The following NBEAL1 variants were observed in gnomAD, a reference collection of about 807,000 sequenced individuals.
NBEAL1 encodes neurobeachin-like protein 1.
Under a neutral mutation model 351.3 loss-of-function variants are expected in NBEAL1, and 273 were observed. The ratio of observed to expected loss-of-function variants is 0.78; its 90% CI spans 0.70 to 0.86. The LOEUF (loss-of-function observed/expected upper bound fraction) is 0.86, where lower values mean the gene tolerates loss of function less well. Ranked by LOEUF, NBEAL1 falls within the 40% of genes least tolerant of loss-of-function variation. The pLI, the probability that NBEAL1 is intolerant of heterozygous loss-of-function variation, is 0.00. For synonymous variants in NBEAL1, 1,050 were observed against 1,086.4 expected (o/e 0.97, Z 0.66); for missense variants, 2,961 against 3,201.3 (o/e 0.92, Z 1.81).
At chr2:203,083,181 A>T in intron 8 of NBEAL1, 38 bp from the exon 9 acceptor site, 1 of 1,477,332 alleles carries the variant, frequency 6.8e-7, no homozygotes, top group Non-Finnish European at 9.1e-7. Flanking sequence ...CAACTTCATT[A>T]GGTTTAGGTT....
chr2:203,113,230 TC>T lies in NBEAL1; in HGVS notation c.2421del (p.Thr808HisfsTer7). 6.5e-7 allele frequency: 1 copy of T among 1,537,670 alleles called. No individual in the cohort carries two copies. Among genetic ancestry groups the T allele is most frequent in the Non-Finnish European group, 8.8e-7 (1 of 1,140,476 alleles). On this transcript the variant is annotated frameshift_variant, in exon 17 of 56. Transcript: ENST00000683969. LOFTEE classifies it high-confidence loss of function. The part of the protein sequence containing the change: ...AGTQDSEWGC[P>X]TSLEGQLGSV... ...GAACCCAAGACAGTGAATGGGGGTG[TC>T]CCACATCTCTGGAGGGTCAGCTAGG...
At chr2:203,137,503 T>C (rs1248574078) in intron 29 of NBEAL1, among the ~76,000 whole-genome samples, 1 of 152,190 alleles carries the variant, frequency 6.6e-6, no homozygotes, top group African/African-American at 2.4e-5. Context: ...ATAATAAGGC[T>C]TTCTTCCCTA....
chr2:203,166,459 G>A (rs1575072103), intron 37 of NBEAL1, among the ~76,000 whole-genome samples, 162 bp downstream of exon 37: 1 of 152,214 alleles, frequency 6.6e-6, no homozygotes, highest in Admixed American at 6.5e-5. Flanking sequence ...AGGTGTGGAA[G>A]GGAATGCTTT....
At chr2:203,058,011 T>G (rs983733091) in intron 6 of NBEAL1, among the ~76,000 whole-genome samples, 2 of 151,820 alleles carry the variant, frequency 1.3e-5, no homozygotes, top group African/African-American at 4.8e-5. Context: ...GCCCGGCTAA[T>G]TTTTATATTT....
intron 8 of NBEAL1, among the ~76,000 whole-genome samples, chr2:203,081,604 TAATA>T (rs2061874582): frequency 6.6e-6 from 1 of 152,192 alleles, no homozygotes; most frequent in African/African-American, 2.4e-5. Context: ...AAAAACAAAG[TAATA>T]AATAATTCAG....
intron 42 of NBEAL1, among the ~76,000 whole-genome samples, chr2:203,176,171 CTTT>C (rs34311199): frequency 1.6e-5 from 2 of 122,890 alleles, no homozygotes; most frequent in African/African-American, 3.0e-5. Context: ...TTTATTGCAT[CTTT>C]TTTTTTTTTT....
chr2:203,030,965 T>C (rs2060940637), intron 2 of NBEAL1, among the ~76,000 whole-genome samples: 1 of 152,204 alleles, frequency 6.6e-6, no homozygotes, highest in African/African-American at 2.4e-5. Flanking sequence ...CAGTGAGCTG[T>C]TGTTGCTATC....
chr2:203,040,587 C>T, intron 2 of NBEAL1: 1 of 674,660 alleles, frequency 1.5e-6, no homozygotes, highest in Non-Finnish European at 2.7e-6. Flanking sequence ...AAGCCAAGGT[C>T]AAGAATAAGA....
chr2:203,067,441 CTG>C (rs1291373891), intron 6 of NBEAL1, among the ~76,000 whole-genome samples: 2 of 152,182 alleles, frequency 1.3e-5, no homozygotes, highest in Non-Finnish European at 2.9e-5. Context: ...TTTGCTGTCA[CTG>C]AGTCCAGCTA....
Position 203,160,900 on chromosome 2 carries a change from C to G in NBEAL1, c.5714+3075C>G, listed in dbSNP as rs72934599. ...TCATTGGTTAGAGGTTGTGTTTAACCCCCCCGATCCAGCTGAGTGCTATAG... is the reference window on the plus strand; with the variant it reads ...TCATTGGTTAGAGGTTGTGTTTAACGCCCCCGATCCAGCTGAGTGCTATAG... On this transcript the variant is annotated intron_variant, in intron 36 of 55. Coordinates refer to ENST00000683969, the MANE Select transcript of NBEAL1 (RefSeq NM_001378026.1). Among the ~76,000 whole-genome samples the G allele has an allele frequency of 1.4e-3, 209 of 152,126 alleles. 1 individual carries two copies. Among genetic ancestry groups the G allele is most frequent in the Middle Eastern group, 3.4e-3 (1 of 294 alleles).
Position 203,167,170 on chromosome 2 carries a change from A to G in NBEAL1, c.5864-57A>G, listed in dbSNP as rs148814346. ...TGTCAAGAACTAAGAGGTATTTTCT[A>G]CTTAGCATGAGTAACTTTATATGGT... On this transcript the variant is annotated intron_variant, in intron 37 of 55. Coordinates refer to ENST00000683969, the MANE Select transcript of NBEAL1 (RefSeq NM_001378026.1). 303 of 1,510,084 alleles carry G rather than the reference A, an allele frequency of 2.0e-4. 1 individual carries two copies. In the African/African-American group the frequency reaches 3.7e-3, roughly 18 times the overall value. The allele number at this position is 1,510,084 out of a possible 1,614,324, so 93.5% of individuals were successfully genotyped here.
chr2:203,127,437 A>G (rs2062964639), intron 23 of NBEAL1, among the ~76,000 whole-genome samples: 1 of 152,164 alleles, frequency 6.6e-6, no homozygotes, highest in Admixed American at 6.5e-5. Context: ...GAAATGTAAA[A>G]ATTAGGCTGG....
chr2:203,044,115 G>T (rs1175849640), intron 3 of NBEAL1, among the ~76,000 whole-genome samples: 1 of 152,178 alleles, frequency 6.6e-6, no homozygotes, highest in East Asian at 1.9e-4. Flanking sequence ...ATCCAGAGAT[G>T]TGGCCAGAGC....
intron 21 of NBEAL1, 39 bp from the exon 22 acceptor site, chr2:203,126,518 A>C (rs1006993580): frequency 7.3e-7 from 1 of 1,364,322 alleles, no homozygotes; most frequent in Middle Eastern, 1.9e-4. Context: ...ACAGTTATTT[A>C]AACTGAACTA....
chr2:203,201,655 A>G lies in NBEAL1; in HGVS notation c.7351A>G (p.Ser2451Gly). 1 of 1,611,698 alleles carries G rather than the reference A, an allele frequency of 6.2e-7. No homozygotes were observed. The highest frequency in any genetic ancestry group is 1.1e-5 in the South Asian group (1 of 90,720). The change falls in exon 50 of 56, where the codon AGC (serine) becomes GGC (glycine). Residue 2451 changes from serine (S) to glycine (G), a missense_variant. Transcript: ENST00000683969. ...LLFSAGYWDN[S>G]IQVMSLTKGK... Reference sequence around the variant, plus strand: ...CTTCAGTGCTGGATACTGGGATAATAGCATTCAAGTGATGTCACTTACAAA... The same window carrying G: ...CTTCAGTGCTGGATACTGGGATAATGGCATTCAAGTGATGTCACTTACAAA...
intron 16 of NBEAL1, among the ~76,000 whole-genome samples, chr2:203,112,437 G>A (rs2062595902): frequency 6.6e-6 from 1 of 152,156 alleles, no homozygotes; most frequent in South Asian, 2.1e-4. Flanking sequence ...ATATTATGAT[G>A]GACTCTTCTA....
chr2:203,162,563 C>A (rs1052042846), intron 36 of NBEAL1, among the ~76,000 whole-genome samples: 2 of 150,962 alleles, frequency 1.3e-5, no homozygotes, highest in Admixed American at 1.3e-4. Context: ...GACAACATGG[C>A]AAAATTCCAT....
chr2:203,125,881 G>A (rs2106282596), intron 20 of NBEAL1, 79 bp from the exon 21 acceptor site: 1 of 1,176,624 alleles, frequency 8.5e-7, no homozygotes, highest in Non-Finnish European at 1.2e-6. Context: ...TTGTGTAACA[G>A]TGTGCATTAA....
intron 31 of NBEAL1, among the ~76,000 whole-genome samples, chr2:203,139,933 C>G (rs2063324925): frequency 6.6e-6 from 1 of 151,902 alleles, no homozygotes; most frequent in Non-Finnish European, 1.5e-5. Flanking sequence ...ATTGTGAATG[C>G]TGCATAGAAG....
Sources: gnomAD v4.1 joint callset for allele counts (sites outside exome capture counted in the v4.1 genomes callset) on GRCh38, gnomAD v4.1.1 for gene constraint, MANE v1.5 for transcripts, NCBI Gene and HGNC (gene_info 2026-07-23, HGNC 2026-07-21) for gene names.